Variants in FRY observed in about 807,000 individuals in gnomAD.
FRY encodes protein furry homolog.
A neutral mutation model predicts 348.4 loss-of-function variants in FRY; 128 were observed. That is an observed-to-expected ratio of 0.37 (90% confidence interval 0.32 to 0.43). The LOEUF (loss-of-function observed/expected upper bound fraction) is 0.43, where lower values mean the gene tolerates loss of function less well. FRY is among the 20% of genes least tolerant of loss of function. The pLI, the probability that FRY is intolerant of heterozygous loss-of-function variation, is 1.00. For synonymous variants in FRY, 1,370 were observed against 1,374.7 expected, an observed-to-expected ratio of 1.00 and a Z score of 0.08; for missense variants, 2,736 against 3,695.2, an observed-to-expected ratio of 0.74 and a Z score of 6.73.
chr13:32,198,332 G>A (rs1442825536), intron 29 of FRY, among the ~76,000 whole-genome samples: 1 of 152,130 alleles, frequency 6.6e-6, no homozygotes, highest in Non-Finnish European at 1.5e-5. Context: ...AGATTCCAGT[G>A]TCAGAAGACA....
intron 55 of FRY, among the ~76,000 whole-genome samples, chr13:32,272,888 A>G (rs1217143325): frequency 6.7e-6 from 1 of 148,538 alleles, no homozygotes; most frequent in Admixed American, 6.7e-5. Flanking sequence ...GGTACACACC[A>G]CCGTGCCCAG....
At chr13:32,269,647 G>C (rs206087) in intron 55 of FRY, among the ~76,000 whole-genome samples, 1 of 151,350 alleles carries the variant, frequency 6.6e-6, no homozygotes, top group Non-Finnish European at 1.5e-5. Flanking sequence ...AGCTGAGATC[G>C]CACCACTGCA....
intron 2 of FRY, among the ~76,000 whole-genome samples, chr13:32,094,291 C>T (rs183613378): frequency 2.0e-5 from 3 of 152,218 alleles, no homozygotes; most frequent in African/African-American, 7.2e-5. Context: ...TATAGGCATG[C>T]AATGCATAAT....
At chr13:32,248,402 G>A (rs779679090) in intron 48 of FRY, among the ~76,000 whole-genome samples, 3 of 152,146 alleles carry the variant, frequency 2.0e-5, no homozygotes, top group East Asian at 1.9e-4. Flanking sequence ...AACAAGGGGA[G>A]GGATAGCATT....
chr13:32,047,426 A>T (rs1431941747), intron 1 of FRY, among the ~76,000 whole-genome samples: 1 of 152,264 alleles, frequency 6.6e-6, no homozygotes, highest in African/African-American at 2.4e-5. Flanking sequence ...TCAGAAAATT[A>T]ACCATCTAAA....
chr13:32,290,725 A>G (rs1383164839), intron 59 of FRY, among the ~76,000 whole-genome samples: 1 of 152,082 alleles, frequency 6.6e-6, no homozygotes, highest in African/African-American at 2.4e-5. Flanking sequence ...TAGTTCAAAC[A>G]GAAGGAGAGA....
intron 36 of FRY, among the ~76,000 whole-genome samples, chr13:32,220,128 T>A (rs1247050371): frequency 2.6e-5 from 4 of 152,270 alleles, no homozygotes; most frequent in Non-Finnish European, 4.4e-5. Flanking sequence ...TCAGAAATTG[T>A]AAATATACTG....
intron 58 of FRY, 93 bp downstream of exon 58, chr13:32,278,641 A>G (rs750893384): frequency 1.3e-6 from 1 of 797,362 alleles, no homozygotes; most frequent in Non-Finnish European, 2.3e-6. Flanking sequence ...TGAGAAAAGA[A>G]GAGGCGGAAT....
chr13:32,239,493 G>T lies in FRY; in HGVS notation c.6516+144G>T. ...CTAATATCACAGTAATGGAAATATAGGGGTGGCTGATGCAAATTGTCTTGC... is the reference window on the plus strand; with the variant it reads ...CTAATATCACAGTAATGGAAATATATGGGTGGCTGATGCAAATTGTCTTGC... On this transcript the variant is annotated intron_variant, in intron 45 of 60. Coordinates refer to ENST00000542859, the MANE Select transcript of FRY (RefSeq NM_023037.3). The surrounding 1 kb of genome is among the most constrained non-coding windows in gnomAD (Gnocchi z 4.3). The T allele has an allele frequency of 2.8e-6, 2 of 721,542 alleles. No individual in the cohort carries two copies. The highest frequency in any genetic ancestry group is 2.7e-5 in the East Asian group (1 of 37,610). 44.7% of individuals were successfully genotyped at this position (721,542 alleles called of 1,614,324 possible).
chr13:32,089,769 G>GA (rs1308327938), intron 2 of FRY, among the ~76,000 whole-genome samples: 5 of 139,032 alleles, frequency 3.6e-5, no homozygotes, highest in South Asian at 2.3e-4. Context: ...TCCAAAAAAA[G>GA]AAAAAAAGAA....
intron 39 of FRY, among the ~76,000 whole-genome samples, chr13:32,227,909 G>A (rs929040685): frequency 6.6e-6 from 1 of 152,036 alleles, no homozygotes; most frequent in African/African-American, 2.4e-5. Flanking sequence ...CGACCACCAC[G>A]CTCGGCTAAT....
chr13:32,066,881 TTAAG>T, intron 1 of FRY, among the ~76,000 whole-genome samples: 1 of 152,364 alleles, frequency 6.6e-6, no homozygotes, highest in South Asian at 2.1e-4. Context: ...TAAGAGTTTA[TTAAG>T]TTTTTCATAT....
chr13:32,169,166 C>A (rs1295166907), intron 17 of FRY, among the ~76,000 whole-genome samples: 1 of 152,202 alleles, frequency 6.6e-6, no homozygotes, highest in Non-Finnish European at 1.5e-5. Context: ...CACCACACTT[C>A]TATGCTTTGG....
intron 17 of FRY, among the ~76,000 whole-genome samples, chr13:32,164,128 G>A (rs915375269): frequency 3.3e-5 from 5 of 152,148 alleles, no homozygotes; most frequent in African/African-American, 1.2e-4. Context: ...CTCCTTGAGA[G>A]GGTCAGAGGA....
chr13:32,159,373 G>C (rs1881314269), intron 16 of FRY, among the ~76,000 whole-genome samples: 1 of 152,176 alleles, frequency 6.6e-6, no homozygotes, highest in South Asian at 2.1e-4. Flanking sequence ...CACTTTCCCA[G>C]GCCCTACGCA....
intron 2 of FRY, among the ~76,000 whole-genome samples, chr13:32,090,023 C>T (rs74046705): frequency 0.012 from 1,897 of 152,024 alleles, 42 homozygotes; most frequent in African/African-American, 0.043. Flanking sequence ...GTAGACCACC[C>T]ATTGGAGAAC....
chr13:32,063,146 T>C (rs1227607226), intron 1 of FRY, among the ~76,000 whole-genome samples: 1 of 152,138 alleles, frequency 6.6e-6, no homozygotes. Context: ...ATAACTTTAA[T>C]TTGCGATGTT....
At chr13:32,223,781 T>C in intron 36 of FRY, among the ~76,000 whole-genome samples, 1 of 152,112 alleles carries the variant, frequency 6.6e-6, no homozygotes. Context: ...CAGACTGGAG[T>C]GCAGTGGCAT....
intron 53 of FRY, among the ~76,000 whole-genome samples, chr13:32,263,790 C>T (rs1323403669): frequency 2.0e-5 from 3 of 152,130 alleles, no homozygotes; most frequent in Admixed American, 1.3e-4. Flanking sequence ...GGGTGGATCA[C>T]GAGGTCAGGA....
Sources: gnomAD v4.1 joint callset for allele counts (sites outside exome capture counted in the v4.1 genomes callset) on GRCh38, gnomAD v4.1.1 for gene constraint, Gnocchi (gnomAD v3.1) non-coding constraint, MANE v1.5 for transcripts, NCBI Gene and HGNC (gene_info 2026-07-23, HGNC 2026-07-21) for gene names.